The following BMPR1B variants were observed in gnomAD, a reference collection of about 807,000 sequenced individuals.
BMPR1B encodes the protein bone morphogenetic protein receptor type-1B.
Under a neutral mutation model 59.1 loss-of-function variants are expected in BMPR1B, and 12 were observed. The observed-to-expected ratio is 0.20, with a 90% confidence interval of 0.13 to 0.33. The LOEUF (loss-of-function observed/expected upper bound fraction) is 0.33, where lower values mean the gene tolerates loss of function less well. BMPR1B is among the 10% of genes least tolerant of loss of function. The pLI is 1.00. For synonymous variants in BMPR1B, 237 were observed against 207.3 expected, an observed-to-expected ratio of 1.14 and a Z score of -1.23; for missense variants, 550 against 610.9, an observed-to-expected ratio of 0.90 and a Z score of 1.05.
chr4:94,928,249 A>G (rs1210246289), intron 2 of BMPR1B, among the ~76,000 whole-genome samples: 1 of 151,714 alleles, frequency 6.6e-6, no homozygotes, highest in Non-Finnish European at 1.5e-5. Context: ...TGTAACCTCA[A>G]GCTCTTGGAC....
intron 1 of BMPR1B, among the ~76,000 whole-genome samples, chr4:94,857,209 A>C (rs1023684760): frequency 6.6e-6 from 1 of 152,198 alleles, no homozygotes; most frequent in African/African-American, 2.4e-5. Flanking sequence ...CCTTACTCTT[A>C]TGCAAATAAA....
At chr4:94,941,413 C>T (rs1159223916) in intron 2 of BMPR1B, among the ~76,000 whole-genome samples, 1 of 139,294 alleles carries the variant, frequency 7.2e-6, no homozygotes, top group Non-Finnish European at 1.5e-5. Context: ...GCCTGGGTGA[C>T]AAGAGTGAAA....
chr4:95,004,486 A>G (rs1173344163), intron 3 of BMPR1B, among the ~76,000 whole-genome samples: 2 of 152,132 alleles, frequency 1.3e-5, no homozygotes, highest in African/African-American at 2.4e-5. Flanking sequence ...TAAATAGTTT[A>G]TTTATATTCC....
intron 3 of BMPR1B, among the ~76,000 whole-genome samples, chr4:95,085,072 C>G (rs1352552387): frequency 2.6e-5 from 4 of 152,178 alleles, no homozygotes; most frequent in South Asian, 2.1e-4. Context: ...AGGTTTTCCT[C>G]TCAGAGTTCT....
At chr4:94,855,290 A>G (rs893176217) in intron 1 of BMPR1B, among the ~76,000 whole-genome samples, 5 of 152,178 alleles carry the variant, frequency 3.3e-5, no homozygotes, top group African/African-American at 1.2e-4. Context: ...AGCAAGCATT[A>G]TTAATATCTT....
rs887911945 is a variant in BMPR1B at position 94,836,223 on chromosome 4, T to G, written c.-182-39608T>G. ...TGAATAGTGACGCAATAAACATACATGTGCATGTGTCTTTATAGCAGCATG... is the reference window on the plus strand; with the variant it reads ...TGAATAGTGACGCAATAAACATACAGGTGCATGTGTCTTTATAGCAGCATG... On this transcript the variant is annotated intron_variant, in intron 1 of 12. Coordinates refer to ENST00000515059, the MANE Select transcript of BMPR1B (RefSeq NM_001203.3). Among the ~76,000 whole-genome samples, 53 of 151,368 alleles carry G rather than the reference T, an allele frequency of 3.5e-4. 1 individual carries two copies. Among genetic ancestry groups the G allele is most frequent in the Admixed American group, 9.9e-4 (15 of 15,212 alleles).
At chr4:95,016,436 G>C (rs1396847081) in intron 3 of BMPR1B, among the ~76,000 whole-genome samples, 3 of 152,172 alleles carry the variant, frequency 2.0e-5, no homozygotes, top group African/African-American at 7.2e-5. Context: ...TCATCATACA[G>C]ATGTTTTATT....
chr4:94,932,251 C>T (rs1031947467), intron 2 of BMPR1B, among the ~76,000 whole-genome samples: 1 of 152,096 alleles, frequency 6.6e-6, no homozygotes, highest in Admixed American at 6.6e-5. Flanking sequence ...GTTCCATTTA[C>T]TTTAATGTCA....
intron 2 of BMPR1B, among the ~76,000 whole-genome samples, chr4:94,900,835 C>T (rs1344648348): frequency 6.6e-6 from 1 of 151,988 alleles, no homozygotes; most frequent in African/African-American, 2.4e-5. Flanking sequence ...AGTCCTCACC[C>T]ATATCTCTGG....
intron 4 of BMPR1B, among the ~76,000 whole-genome samples, chr4:95,112,462 T>C (rs370699355): frequency 1.3e-5 from 2 of 152,260 alleles, no homozygotes; most frequent in African/African-American, 4.8e-5. Flanking sequence ...TTGCAAGTTT[T>C]CAAGTAATTC....
intron 1 of BMPR1B, among the ~76,000 whole-genome samples, chr4:94,849,771 A>G (rs1332746222): frequency 6.8e-6 from 1 of 146,136 alleles, no homozygotes; most frequent in Non-Finnish European, 1.5e-5. Context: ...GATGGGGCAT[A>G]ATAAGGTAGG....
chr4:95,054,120 G>A (rs1726743471), intron 3 of BMPR1B, among the ~76,000 whole-genome samples: 1 of 152,176 alleles, frequency 6.6e-6, no homozygotes, highest in Admixed American at 6.5e-5. Flanking sequence ...GACATTTGGA[G>A]AATGTGAGCA....
chr4:94,997,457 T>C (rs1722136467), intron 3 of BMPR1B, among the ~76,000 whole-genome samples: 1 of 152,208 alleles, frequency 6.6e-6, no homozygotes, highest in Non-Finnish European at 1.5e-5. Flanking sequence ...ATGAGACCAA[T>C]AGCTGTGCAG....
At chr4:94,813,992 C>T (rs992168101) in intron 1 of BMPR1B, among the ~76,000 whole-genome samples, 1 of 152,140 alleles carries the variant, frequency 6.6e-6, no homozygotes, top group African/African-American at 2.4e-5. Context: ...ATGAGATATG[C>T]AGGTGGGACT....
chr4:95,105,193 C>G (rs1731114005), intron 4 of BMPR1B, among the ~76,000 whole-genome samples: 1 of 152,110 alleles, frequency 6.6e-6, no homozygotes, highest in Admixed American at 6.6e-5. Context: ...ATCCATTCCT[C>G]TGATCACTAT....
At chr4:94,929,828 C>T (rs1010817913) in intron 2 of BMPR1B, among the ~76,000 whole-genome samples, 2 of 152,042 alleles carry the variant, frequency 1.3e-5, no homozygotes, top group Non-Finnish European at 1.5e-5. Context: ...GAACTTCAAG[C>T]TTGACACGTC....
rs1410862509 is a variant in BMPR1B at position 94,916,842 on chromosome 4, C to T, written c.-113+40942C>T. Among the ~76,000 whole-genome samples, 3 of 152,196 alleles carry T rather than the reference C, an allele frequency of 2.0e-5. No homozygotes were observed. In the East Asian group the frequency reaches 5.8e-4, roughly 29 times the overall value. ...CTAAGGCATTTCAGAGACCTTAGCCCCAGCCCTGGCCATCACAGGCTCAGA... is the reference window on the plus strand; with the variant it reads ...CTAAGGCATTTCAGAGACCTTAGCCTCAGCCCTGGCCATCACAGGCTCAGA... On this transcript the variant is annotated intron_variant, in intron 2 of 12. Transcript: ENST00000515059.
At chr4:94,784,366 G>C (rs1722691319) in intron 1 of BMPR1B, among the ~76,000 whole-genome samples, 1 of 152,080 alleles carries the variant, frequency 6.6e-6, no homozygotes, top group Admixed American at 6.5e-5. Context: ...TTGAAAGTTT[G>C]ATAGAACTTT....
chr4:94,988,788 G>C (rs1205152740), intron 2 of BMPR1B, among the ~76,000 whole-genome samples: 1 of 151,934 alleles, frequency 6.6e-6, no homozygotes, highest in Non-Finnish European at 1.5e-5. Flanking sequence ...AAGAACCTTA[G>C]AGTTAAAGGT....
Sources: allele counts gnomAD v4.1 joint callset (sites outside exome capture counted in the v4.1 genomes callset), GRCh38; gene constraint gnomAD v4.1.1; transcripts MANE v1.5; gene names NCBI Gene and HGNC (gene_info 2026-07-23, HGNC 2026-07-21).